The following L3HYPDH variants were observed in gnomAD, a reference collection of about 807,000 sequenced individuals.
The protein encoded by L3HYPDH is trans-3-hydroxy-L-proline dehydratase.
A neutral mutation model predicts 26.5 loss-of-function variants in L3HYPDH; 32 were observed. The observed-to-expected ratio is 1.21, with a 90% confidence interval of 0.91 to 1.62. L3HYPDH has a LOEUF of 1.62. Among genes scored for constraint, L3HYPDH ranks in the 40% most tolerant of loss-of-function variants. The pLI, the probability that L3HYPDH is intolerant of heterozygous loss-of-function variation, is 0.00. For missense variants in L3HYPDH, 554 were observed against 476.4 expected (o/e 1.16, Z -1.52); for synonymous variants, 215 against 196.6 (o/e 1.09, Z -0.78).
downstream of L3HYPDH, among the ~76,000 whole-genome samples, chr14:59,468,479 C>A (rs956401946): frequency 2.0e-5 from 3 of 152,204 alleles, no homozygotes; most frequent in African/African-American, 7.2e-5. Context: ...CTAGCATCCC[C>A]ATCTTCGCGT....
chr14:59,483,772 C>T (rs1890241686), intron 1 of L3HYPDH, 37 bp downstream of exon 1: 1 of 1,583,046 alleles, frequency 6.3e-7, no homozygotes, highest in African/African-American at 1.3e-5. Context: ...GTCCCGGTTG[C>T]AGCTCTGCCC....
the L3HYPDH span, among the ~76,000 whole-genome samples, chr14:59,501,923 T>C: frequency 6.6e-6 from 1 of 152,308 alleles, no homozygotes; most frequent in Non-Finnish European, 1.5e-5. Context: ...GCCAAAAAAG[T>C]ATCTTTTGAC....
At chr14:59,490,325 A>G in the L3HYPDH span, among the ~76,000 whole-genome samples, 1 of 152,190 alleles carries the variant, frequency 6.6e-6, no homozygotes, top group South Asian at 2.1e-4. Flanking sequence ...TTCCACTCCC[A>G]TGACCCAAAT....
intron 2 of L3HYPDH, 61 bp downstream of exon 2, chr14:59,479,121 A>G (rs1220073282): frequency 8.5e-7 from 1 of 1,177,042 alleles, no homozygotes; most frequent in Non-Finnish European, 1.2e-6. Flanking sequence ...AGACATAATA[A>G]TGTATATTTC....
chr14:59,484,959 A>G, upstream of L3HYPDH: 3 of 1,526,646 alleles, frequency 2.0e-6, no homozygotes, highest in East Asian at 2.3e-5. Flanking sequence ...GTTGCTGCAT[A>G]ATTTGTCTAC....
chr14:59,486,668 A>G, upstream of L3HYPDH: 2 of 1,329,388 alleles, frequency 1.5e-6, no homozygotes, highest in Non-Finnish European at 2.1e-6. Flanking sequence ...ATTATTTTTT[A>G]TAATCACAAA....
chr14:59,478,321 T>C (rs577424877), intron 2 of L3HYPDH, among the ~76,000 whole-genome samples: 4 of 152,260 alleles, frequency 2.6e-5, no homozygotes, highest in East Asian at 3.9e-4. Flanking sequence ...CCCAACACTT[T>C]GGGAGGCCGA....
chr14:59,505,172 AAAGT>A, the L3HYPDH span: 14 of 762,074 alleles, frequency 1.8e-5, no homozygotes, highest in Admixed American at 1.8e-4. Context: ...GCAAAATATG[AAAGT>A]AAGTGCACTC....
the L3HYPDH span, chr14:59,495,349 A>AT: frequency 1.5e-6 from 1 of 654,256 alleles, no homozygotes; most frequent in Admixed American, 2.8e-5. Flanking sequence ...CAGCGGCTTT[A>AT]TTACCTTGAA....
In L3HYPDH at chr14:59,466,043, GC is replaced by G. The variant is rs762056163; in HGVS notation, n.31-4871del. Among the ~76,000 whole-genome samples, 20 of 152,258 alleles carry G rather than the reference GC, an allele frequency of 1.3e-4. 2 individuals are homozygous for G. The highest frequency in any genetic ancestry group is 8.5e-4 in the Admixed American group (13 of 15,298). ...AGGCTGACAGAATTACTAAGGATGGGCCCATGACTCTAAACCCCGTAGGTGA... is the reference window on the plus strand; with the variant it reads ...AGGCTGACAGAATTACTAAGGATGGGCCATGACTCTAAACCCCGTAGGTGA... On this transcript the variant is annotated intron_variant and non_coding_transcript_variant, in intron 1 of 2. Coordinates refer to the L3HYPDH transcript ENST00000466522.
chr14:59,465,758 A>C (rs560057914), intron 1 of L3HYPDH, among the ~76,000 whole-genome samples: 5 of 152,218 alleles, frequency 3.3e-5, no homozygotes, highest in African/African-American at 9.7e-5. Flanking sequence ...AAAATCCAGA[A>C]GTCTACATCC....
chr14:59,479,018 G>A (rs969137317), intron 2 of L3HYPDH, 164 bp downstream of exon 2: 5 of 524,640 alleles, frequency 9.5e-6, no homozygotes, highest in South Asian at 4.1e-5. Context: ...CACAGGCCAC[G>A]GGTGGGACAA....
chr14:59,465,573 A>G (rs1167451613), intron 1 of L3HYPDH, among the ~76,000 whole-genome samples: 1 of 152,216 alleles, frequency 6.6e-6, no homozygotes, highest in African/African-American at 2.4e-5. Context: ...TAAAGTGCCG[A>G]CTGGCATGCA....
the L3HYPDH span, chr14:59,501,257 C>A: frequency 4.4e-6 from 7 of 1,594,010 alleles, no homozygotes; most frequent in Non-Finnish European, 6.0e-6. Context: ...ATGTCTGCTT[C>A]TGAAATAGAG....
the L3HYPDH span, chr14:59,504,912 A>AAACACATTCG: frequency 5.7e-6 from 1 of 176,866 alleles, no homozygotes. Flanking sequence ...AATACAGAAG[A>AAACACATTCG]TACACAGAAT....
chr14:59,485,448 T>C (rs1277424583), upstream of L3HYPDH: 3 of 221,886 alleles, frequency 1.4e-5, no homozygotes, highest in Non-Finnish European at 2.6e-5. Flanking sequence ...ATGCTGTTTC[T>C]CTTTTTCTCT....
At chr14:59,505,141 T>G in the L3HYPDH span, 1 of 512,278 alleles carries the variant, frequency 2.0e-6, no homozygotes, top group Non-Finnish European at 3.3e-6. Context: ...TTTTAAATGT[T>G]TAAGACTTCT....
the L3HYPDH span, among the ~76,000 whole-genome samples, chr14:59,496,245 GAT>G: frequency 4.7e-5 from 7 of 150,146 alleles, no homozygotes; most frequent in Admixed American, 1.3e-4. Context: ...TTATTTTATA[GAT>G]ATATATATAT....
the L3HYPDH span, chr14:59,498,739 A>G: frequency 6.5e-6 from 10 of 1,528,830 alleles, no homozygotes; most frequent in African/African-American, 1.1e-4. Context: ...ATACCATTGT[A>G]TTTATCTATT....
Sources: allele counts gnomAD v4.1 joint callset (sites outside exome capture counted in the v4.1 genomes callset), GRCh38; gene constraint gnomAD v4.1.1; transcripts MANE v1.5; gene names NCBI Gene and HGNC (gene_info 2026-07-23, HGNC 2026-07-21).